LAMA2: variants seen among roughly 807,000 people sequenced by gnomAD.
The protein encoded by LAMA2 is laminin subunit alpha-2.
Under a neutral mutation model 364.8 loss-of-function variants are expected in LAMA2, and 269 were observed. The observed-to-expected ratio is 0.74, with a 90% CI of 0.67 to 0.82. The LOEUF (loss-of-function observed/expected upper bound fraction) is 0.82, where lower values mean the gene tolerates loss of function less well. LAMA2 is among the 40% of genes least tolerant of loss of function. The pLI is 0.00. For missense variants in LAMA2, 3,807 were observed against 3,873.2 expected, an observed-to-expected ratio of 0.98 and a Z score of 0.45; for synonymous variants, 1,379 against 1,370.6, an observed-to-expected ratio of 1.01 and a Z score of -0.14.
chr6:129,305,025 T>A (rs989446455), intron 22 of LAMA2, among the ~76,000 whole-genome samples: 3 of 152,176 alleles, frequency 2.0e-5, no homozygotes, highest in Non-Finnish European at 2.9e-5. Flanking sequence ...TTACTGAGAG[T>A]GTTGGACTAT....
chr6:129,268,504 A>C (rs1240720317), intron 16 of LAMA2, among the ~76,000 whole-genome samples: 1 of 152,114 alleles, frequency 6.6e-6, no homozygotes, highest in East Asian at 1.9e-4. Flanking sequence ...TATTTCATGA[A>C]TTCATTAGGA....
Position 129,309,902 on chromosome 6 carries a change from A to ATTTTTTTTTTTTTTTTTTTT in LAMA2, c.3175-2944_3175-2943insTTTTTTTTTTTTTTTTTTTT, listed in dbSNP as rs993652081. On this transcript the variant is annotated intron_variant, in intron 22 of 64. Transcript: ENST00000421865. ...AGAAATAAAGCTAATCCTGATAATC[A>ATTTTTTTTTTTTTTTTTTTT]TTTTTTTTTTTTTTTGAGACGGAGT... Among the ~76,000 whole-genome samples, 56 of 135,756 alleles carry ATTTTTTTTTTTTTTTTTTTT rather than the reference A, an allele frequency of 4.1e-4. 6 individuals carry two copies. Among genetic ancestry groups the ATTTTTTTTTTTTTTTTTTTT allele is most frequent in the African/African-American group, 1.5e-3 (54 of 35,376 alleles). 89.1% of individuals were successfully genotyped at this position (135,756 alleles called of 152,430 possible).
intron 35 of LAMA2, 25 bp from the exon 36 acceptor site, chr6:129,391,466 A>T (rs1562520588): frequency 6.3e-7 from 1 of 1,595,336 alleles, no homozygotes; most frequent in Non-Finnish European, 8.6e-7. Context: ...TTACTAATTT[A>T]CAAAATTTGT....
In LAMA2 at chr6:129,049,804, A is replaced by C; in HGVS notation, c.113-114A>C. On this transcript the variant is annotated intron_variant, in intron 1 of 64. Coordinates refer to ENST00000421865, the MANE Select transcript of LAMA2 (RefSeq NM_000426.4). ...TCAGGTATTTATCATTAATTATCTC[A>C]TGTTGGGTTACTTTAATGCTCCGAA... The C allele has an allele frequency of 4.8e-6, 4 of 830,714 alleles. No homozygotes were observed. In the South Asian group the frequency reaches 5.6e-5, roughly 12 times the overall value. The allele number at this position is 830,714 out of a possible 1,614,324, so 51.5% of individuals were successfully genotyped here.
At chr6:129,388,664 C>G (rs1473099792) in intron 35 of LAMA2, among the ~76,000 whole-genome samples, 1 of 152,068 alleles carries the variant, frequency 6.6e-6, no homozygotes, top group Non-Finnish European at 1.5e-5. Flanking sequence ...CTTATGAAAG[C>G]TGATTTATAC....
intron 52 of LAMA2, among the ~76,000 whole-genome samples, chr6:129,474,459 A>G (rs762217455): frequency 5.3e-5 from 8 of 152,150 alleles, no homozygotes; most frequent in Non-Finnish European, 1.0e-4. Context: ...AAGTCAGAAA[A>G]ACATTACAAA....
At chr6:128,954,638 T>A (rs1781031752) in intron 1 of LAMA2, among the ~76,000 whole-genome samples, 1 of 152,006 alleles carries the variant, frequency 6.6e-6, no homozygotes, top group African/African-American at 2.4e-5. Context: ...ACCTGTCATA[T>A]GGGATAAATC....
At chr6:128,961,331 A>ATATATG (rs1562872879) in intron 1 of LAMA2, among the ~76,000 whole-genome samples, 1 of 34,838 alleles carries the variant, frequency 2.9e-5, no homozygotes, top group Non-Finnish European at 5.0e-5. Flanking sequence ...ATATATATAT[A>ATATATG]TATATATATA....
intron 45 of LAMA2, among the ~76,000 whole-genome samples, chr6:129,450,046 C>T (rs1390664081): frequency 3.3e-5 from 5 of 151,858 alleles, no homozygotes; most frequent in African/African-American, 4.8e-5. Context: ...CCTCGTGATC[C>T]GCCTGCCTTG....
chr6:129,074,940 G>A (rs377096360), intron 3 of LAMA2, among the ~76,000 whole-genome samples: 303 of 152,230 alleles, frequency 2.0e-3, no homozygotes, highest in South Asian at 2.9e-3. Context: ...AACAATATGC[G>A]TTTGAAAAAT....
At chr6:129,320,385 A>T (rs1774888850) in intron 27 of LAMA2, among the ~76,000 whole-genome samples, 153 bp from the exon 28 acceptor site, 1 of 152,172 alleles carries the variant, frequency 6.6e-6, no homozygotes, top group African/African-American at 2.4e-5. Context: ...CAACTTATGT[A>T]CAATTATTAT....
intron 1 of LAMA2, among the ~76,000 whole-genome samples, chr6:128,911,563 G>C (rs1048913853): frequency 7.9e-5 from 12 of 152,142 alleles, no homozygotes; most frequent in Admixed American, 1.3e-4. Flanking sequence ...GATGAACCCG[G>C]TACCTCAGAT....
chr6:129,241,336 A>AT (rs1032359364), intron 12 of LAMA2, among the ~76,000 whole-genome samples: 10 of 152,186 alleles, frequency 6.6e-5, no homozygotes, highest in Non-Finnish European at 1.2e-4. Context: ...AAAACGTGGG[A>AT]TTTTCAAGTG....
At position 129,326,444 on chromosome 6, in the gene LAMA2, G is replaced by A. The variant is rs114280950; in HGVS notation, c.4177-1834G>A. ...TCGCCTTCACATTTGGACCTACAAC[G>A]CTAAACTGTACAATTCCTCGATGAG... On this transcript the variant is annotated intron_variant, in intron 28 of 64. Coordinates refer to ENST00000421865, the MANE Select transcript of LAMA2 (RefSeq NM_000426.4). 4.7e-3 allele frequency among the ~76,000 whole-genome samples: 712 copies of A among 152,108 alleles called. 6 individuals carry two copies. Among genetic ancestry groups the A allele is most frequent in the African/African-American group, 0.014 (581 of 41,504 alleles).
At chr6:128,943,296 A>G (rs923082325) in intron 1 of LAMA2, among the ~76,000 whole-genome samples, 1 of 151,614 alleles carries the variant, frequency 6.6e-6, no homozygotes, top group Non-Finnish European at 1.5e-5. Context: ...AGAGAGAGAG[A>G]GAGAGAGAGA....
intron 1 of LAMA2, among the ~76,000 whole-genome samples, chr6:128,988,354 C>T (rs1430066111): frequency 6.6e-6 from 1 of 151,656 alleles, no homozygotes; most frequent in Non-Finnish European, 1.5e-5. Flanking sequence ...ATAAGTGATG[C>T]TGGACTAAAA....
intron 12 of LAMA2, among the ~76,000 whole-genome samples, chr6:129,224,793 C>T (rs1472588811): frequency 6.6e-6 from 1 of 152,100 alleles, no homozygotes; most frequent in Non-Finnish European, 1.5e-5. Flanking sequence ...GTCAAAAATT[C>T]TCTTTTTTGT....
chr6:129,483,744 C>G (rs1784465602), intron 55 of LAMA2, among the ~76,000 whole-genome samples: 1 of 152,112 alleles, frequency 6.6e-6, no homozygotes, highest in East Asian at 1.9e-4. Flanking sequence ...TATTGTGGAG[C>G]TATCATGTTA....
At chr6:129,045,768 T>C (rs1787442285) in intron 1 of LAMA2, among the ~76,000 whole-genome samples, 1 of 152,208 alleles carries the variant, frequency 6.6e-6, no homozygotes, top group Non-Finnish European at 1.5e-5. Context: ...TCTCTTTTCT[T>C]GGCTTCCTCC....
Sources: allele counts gnomAD v4.1 joint callset (sites outside exome capture counted in the v4.1 genomes callset), GRCh38; gene constraint gnomAD v4.1.1; transcripts MANE v1.5; gene names NCBI Gene and HGNC (gene_info 2026-07-23, HGNC 2026-07-21).